The following MYRIP variants were observed in gnomAD, a reference collection of about 807,000 sequenced individuals.
MYRIP encodes the protein myosin VIIA and Rab interacting protein, also known as rab effector MyRIP.
Under a neutral mutation model 98.0 loss-of-function variants are expected in MYRIP, and 49 were observed. That is an observed-to-expected ratio of 0.50 (90% CI 0.40 to 0.63). The LOEUF (loss-of-function observed/expected upper bound fraction) is 0.63. Ranked by LOEUF, MYRIP falls within the 30% of genes least tolerant of loss-of-function variation. MYRIP has a pLI of 0.00. For synonymous variants in MYRIP, 404 were observed against 409.5 expected (o/e 0.99, Z 0.16); for missense variants, 1,004 against 1,058.2 (o/e 0.95, Z 0.71).
intron 10 of MYRIP, among the ~76,000 whole-genome samples, chr3:40,201,961 G>A (rs1405766696): frequency 2.0e-5 from 3 of 152,106 alleles, no homozygotes; most frequent in South Asian, 2.1e-4. Flanking sequence ...GCAGCCCCAC[G>A]GCTCATCCAC....
At chr3:39,998,601 G>T (rs1326073400) in intron 2 of MYRIP, among the ~76,000 whole-genome samples, 1 of 152,122 alleles carries the variant, frequency 6.6e-6, no homozygotes, top group Non-Finnish European at 1.5e-5. Flanking sequence ...TGGCCATACT[G>T]CCCAAGGTAA....
intron 1 of MYRIP, among the ~76,000 whole-genome samples, chr3:39,858,550 C>T (rs1414966664): frequency 6.6e-6 from 1 of 152,070 alleles, no homozygotes; most frequent in Non-Finnish European, 1.5e-5. Context: ...AGTTAACAGA[C>T]ATATATAGAA....
chr3:40,094,499 T>C (rs1948787662), intron 3 of MYRIP, among the ~76,000 whole-genome samples: 1 of 152,224 alleles, frequency 6.6e-6, no homozygotes, highest in Non-Finnish European at 1.5e-5. Context: ...CAAGGACATC[T>C]GTTGCTAGTT....
rs982717682 is a variant in MYRIP at position 40,256,922 on chromosome 3, A to C, written c.2548-1212A>C. 2.6e-5 allele frequency among the ~76,000 whole-genome samples: 4 copies of C among 152,218 alleles called. No individual in the cohort carries two copies. In the East Asian group the frequency reaches 7.7e-4, roughly 29 times the overall value. ...CATGTATACATGTTCTGTGCCCATC[A>C]CACACAGGCACATACAGACACACAA... is the stretch of plus-strand genomic sequence containing the variant. On this transcript the variant is annotated intron_variant, in intron 16 of 16. Coordinates refer to ENST00000302541, the MANE Select transcript of MYRIP (RefSeq NM_015460.4).
intron 11 of MYRIP, among the ~76,000 whole-genome samples, chr3:40,232,166 T>C (rs1952680214): frequency 6.6e-6 from 1 of 152,180 alleles, no homozygotes; most frequent in African/African-American, 2.4e-5. Flanking sequence ...TTTTGGTATG[T>C]AGCAAAGCCC....
chr3:39,973,244 C>T (rs570414800), intron 2 of MYRIP, among the ~76,000 whole-genome samples: 79 of 151,932 alleles, frequency 5.2e-4, no homozygotes, highest in Admixed American at 1.4e-3. Flanking sequence ...AAGACAGGGG[C>T]TGTAATCCTA....
intron 1 of MYRIP, among the ~76,000 whole-genome samples, chr3:39,842,419 G>C (rs1941831305): frequency 6.6e-6 from 1 of 152,308 alleles, no homozygotes; most frequent in East Asian, 1.9e-4. Context: ...GATCTGCTGA[G>C]CTAGACCACT....
intron 3 of MYRIP, among the ~76,000 whole-genome samples, chr3:40,049,210 T>G (rs903594381): frequency 2.0e-5 from 3 of 152,196 alleles, no homozygotes; most frequent in Admixed American, 6.5e-5. Context: ...TGTACTTTAC[T>G]GTGCTTCACA....
At chr3:39,963,156 C>A (rs1452975222) in intron 2 of MYRIP, among the ~76,000 whole-genome samples, 1 of 152,024 alleles carries the variant, frequency 6.6e-6, no homozygotes, top group African/African-American at 2.4e-5. Context: ...TGACCCAGTA[C>A]CAGGGTATAT....
rs1399310833 is a variant in MYRIP at position 40,244,563 on chromosome 3, C to G, written c.2218C>G (p.Gln740Glu). The change falls in exon 13 of 17, where the codon CAG (glutamine) becomes GAG (glutamate). Residue 740 changes from glutamine (Q) to glutamate (E), a missense_variant. This residue lies in a region of MYRIP where 16 missense variants were observed against 39.5 expected (regional missense o/e 0.41). Transcript: ENST00000302541. ...DETHLADLED[Q>E]VATAAAQVHH... ...GACCCATCTGGCGGATCTGGAGGAC[C>G]AGGTGGCCACGGCTGCAGCCCAAGT... 10 of 1,613,854 alleles carry G rather than the reference C, an allele frequency of 6.2e-6. No individual in the cohort carries two copies. In the Admixed American group the frequency reaches 1.0e-4, roughly 16 times the overall value.
chr3:40,203,158 T>C (rs1405506004), intron 10 of MYRIP, among the ~76,000 whole-genome samples: 1 of 151,900 alleles, frequency 6.6e-6, no homozygotes, highest in Non-Finnish European at 1.5e-5. Flanking sequence ...TCTTGATCTC[T>C]TGACCTCATA....
Position 40,233,904 on chromosome 3 carries a change from A to C in MYRIP, c.1951A>C (p.Lys651Gln). ...SLCNISTEVLKVINATEELIA... is the reference protein window; with the variant it reads ...SLCNISTEVLQVINATEELIA... ...CTGCAACATCTCCACAGAAGTCCTG[A>C]AAGTCATCAATGCCACAGAGGAGTT... is the stretch of plus-strand genomic sequence containing the variant. The change falls in exon 12 of 17, where the codon AAA (lysine) becomes CAA (glutamine). Residue 651 changes from lysine (K) to glutamine (Q), a missense_variant. By Grantham distance (53) the Lys-to-Gln change is moderately conservative. Around this residue, in one of 3 missense-constraint regions of MYRIP, gnomAD observed 880 missense variants for 907.7 expected, o/e 0.97. Transcript: ENST00000302541. 1 of 1,613,612 alleles carries C rather than the reference A, an allele frequency of 6.2e-7. No individual in the cohort carries two copies. The highest frequency in any genetic ancestry group is 1.3e-5 in the African/African-American group (1 of 75,030).
At chr3:40,085,751 G>A (rs1452387183) in intron 3 of MYRIP, among the ~76,000 whole-genome samples, 1 of 152,070 alleles carries the variant, frequency 6.6e-6, no homozygotes, top group African/African-American at 2.4e-5. Context: ...AGAAAGGAAG[G>A]AAGGAAGCAG....
intron 3 of MYRIP, among the ~76,000 whole-genome samples, chr3:40,110,082 C>G (rs1280917920): frequency 6.6e-6 from 1 of 152,196 alleles, no homozygotes; most frequent in Non-Finnish European, 1.5e-5. Flanking sequence ...CCTGTTACCT[C>G]ATTTCTTACT....
At chr3:40,252,912 C>T (rs1250167205) in intron 16 of MYRIP, among the ~76,000 whole-genome samples, 1 of 152,196 alleles carries the variant, frequency 6.6e-6, no homozygotes, top group Admixed American at 6.5e-5. Flanking sequence ...GGCCCAAAAG[C>T]AGCCACCGAT....
At chr3:40,019,067 C>G (rs1342679463) in intron 2 of MYRIP, among the ~76,000 whole-genome samples, 1 of 152,242 alleles carries the variant, frequency 6.6e-6, no homozygotes, top group African/African-American at 2.4e-5. Context: ...ACTAATGTCT[C>G]TCCTCTGATC....
intron 3 of MYRIP, among the ~76,000 whole-genome samples, chr3:40,096,930 C>T (rs759318979): frequency 2.6e-5 from 4 of 152,208 alleles, no homozygotes; most frequent in Non-Finnish European, 4.4e-5. Flanking sequence ...AAGCAAAACG[C>T]TCCGCCCATC....
chr3:40,203,414 T>C (rs1204126436), intron 10 of MYRIP, among the ~76,000 whole-genome samples: 2 of 151,864 alleles, frequency 1.3e-5, no homozygotes, highest in Non-Finnish European at 2.9e-5. Flanking sequence ...CTTACACACA[T>C]GGCAGCACCC....
intron 2 of MYRIP, among the ~76,000 whole-genome samples, chr3:39,919,241 C>T (rs1944244551): frequency 6.6e-6 from 1 of 152,206 alleles, no homozygotes; most frequent in African/African-American, 2.4e-5. Flanking sequence ...CAGCTACGCC[C>T]TACCTGCTGC....
Sources: gnomAD v4.1 joint callset for allele counts (sites outside exome capture counted in the v4.1 genomes callset) on GRCh38, gnomAD v4.1.1 for gene constraint, gnomAD v4.1.1 regional missense constraint, MANE v1.5 for transcripts, NCBI Gene and HGNC (gene_info 2026-07-23, HGNC 2026-07-21) for gene names.